The following MICAL2 variants were observed in gnomAD, a reference collection of about 807,000 sequenced individuals.
The protein encoded by MICAL2 is microtubule associated monooxygenase, calponin and LIM domain containing 2.
Under a neutral mutation model 127.3 loss-of-function variants are expected in MICAL2, and 77 were observed. That is an observed-to-expected ratio of 0.60 (90% confidence interval 0.50 to 0.73). The LOEUF is 0.73. Ranked by LOEUF, MICAL2 falls within the 30% of genes least tolerant of loss-of-function variation. The probability of loss-of-function intolerance (pLI) is 0.00; values close to 1 mark genes in which losing one functional copy is unlikely to be tolerated. For synonymous variants in MICAL2, 570 were observed against 551.1 expected (o/e 1.03, Z -0.48); for missense variants, 1,351 against 1,434.4 (o/e 0.94, Z 0.94).
chr11:12,302,769 C>A (rs1488689009), intron 29 of MICAL2, among the ~76,000 whole-genome samples: 1 of 152,080 alleles, frequency 6.6e-6, no homozygotes, highest in Non-Finnish European at 1.5e-5. Flanking sequence ...TTCAAGCGAT[C>A]TTCCCACTTC....
chr11:12,260,143 C>G, intron 26 of MICAL2: 1 of 1,529,540 alleles, frequency 6.5e-7, no homozygotes, highest in South Asian at 1.2e-5. Flanking sequence ...CAACTGGGTG[C>G]TCAGGTGCTT....
intron 2 of MICAL2, among the ~76,000 whole-genome samples, chr11:12,147,888 C>G (rs565861018): frequency 6.6e-6 from 1 of 152,324 alleles, no homozygotes; most frequent in South Asian, 2.1e-4. Context: ...TATTCGGGAA[C>G]AGGCCCAGGA....
rs186044206 is a variant in MICAL2 at position 12,316,048 on chromosome 11, T to C, written c.5213-3648T>C. On this transcript the variant is annotated intron_variant, in intron 29 of 34. Transcript: ENST00000646065. Reference sequence around the variant, plus strand: ...TATGGAATGTCCCTCTTTATCTTTGTTAATATTCCTGGTCCACAAATTACT... The same window carrying C: ...TATGGAATGTCCCTCTTTATCTTTGCTAATATTCCTGGTCCACAAATTACT... 3.6e-3 allele frequency among the ~76,000 whole-genome samples: 554 copies of C among 152,266 alleles called. 4 individuals carry two copies. The highest frequency in any genetic ancestry group is 0.013 in the African/African-American group (534 of 41,584).
At chr11:12,285,093 G>T (rs551097797) in intron 2 of MICAL2, among the ~76,000 whole-genome samples, 1 of 152,218 alleles carries the variant, frequency 6.6e-6, no homozygotes, top group East Asian at 1.9e-4. Flanking sequence ...GTTGAGAAGG[G>T]GTTCGGAAAA....
At chr11:12,243,947 C>T (rs369018906) in intron 20 of MICAL2, 40 bp from the exon 21 acceptor site, 1 of 1,610,810 alleles carries the variant, frequency 6.2e-7, no homozygotes, top group Non-Finnish European at 8.5e-7. Flanking sequence ...TGTGTGACTC[C>T]TGGGATAATC....
downstream of MICAL2, chr11:12,293,718 T>C (rs745701939): frequency 3.3e-5 from 53 of 1,613,834 alleles, no homozygotes; most frequent in Non-Finnish European, 4.4e-5. Context: ...TACTGCCTGG[T>C]GAGCCCTGGT....
chr11:12,168,145 T>TACACACACACACACACACAC (rs3044619), intron 3 of MICAL2, among the ~76,000 whole-genome samples: 76 of 146,270 alleles, frequency 5.2e-4, no homozygotes, highest in African/African-American at 1.6e-3. Context: ...CTACAGCAAA[T>TACACACACACACACACACAC]ACACACACAC....
intron 3 of MICAL2, among the ~76,000 whole-genome samples, chr11:12,183,326 G>A (rs1056362357): frequency 1.3e-5 from 2 of 152,150 alleles, no homozygotes; most frequent in Non-Finnish European, 2.9e-5. Context: ...GGGTGAACAC[G>A]TTTGGCGTGC....
chr11:12,263,197 T>C (rs1026034676), intron 27 of MICAL2: 5 of 152,256 alleles, frequency 3.3e-5, no homozygotes, highest in African/African-American at 1.2e-4. Context: ...AAGCCCCAGA[T>C]GATGCCAGAG....
chr11:12,194,765 G>A (rs1859669242), intron 3 of MICAL2, among the ~76,000 whole-genome samples: 2 of 152,032 alleles, frequency 1.3e-5, no homozygotes, highest in Non-Finnish European at 2.9e-5. Context: ...AAACACCAGG[G>A]TACCAGCACC....
intron 2 of MICAL2, among the ~76,000 whole-genome samples, chr11:12,284,587 TAAG>T (rs1294770359): frequency 1.3e-5 from 2 of 152,192 alleles, no homozygotes; most frequent in Non-Finnish European, 2.9e-5. Flanking sequence ...AGTTACAAGC[TAAG>T]AAGAAGCAAT....
chr11:12,225,771 C>T (rs2134321446), intron 13 of MICAL2: 1 of 216,096 alleles, frequency 4.6e-6, no homozygotes, highest in Non-Finnish European at 9.5e-6. Context: ...AGGTATGAGC[C>T]ACTGCGCCTG....
intron 3 of MICAL2, among the ~76,000 whole-genome samples, chr11:12,179,379 CCTT>C (rs1171023374): frequency 6.6e-6 from 1 of 152,152 alleles, no homozygotes; most frequent in Non-Finnish European, 1.5e-5. Context: ...GTACCTCTCA[CCTT>C]CTCCCCAGCA....
chr11:12,255,349 C>T (rs1331315215), intron 22 of MICAL2: 1 of 392,414 alleles, frequency 2.5e-6, no homozygotes, highest in Non-Finnish European at 4.8e-6. Flanking sequence ...TAAACAACAG[C>T]AACCACTGTT....
downstream of MICAL2, among the ~76,000 whole-genome samples, chr11:12,268,072 CCCTCTGGCCTGGA>C (rs1863629348): frequency 6.6e-6 from 1 of 152,210 alleles, no homozygotes; most frequent in African/African-American, 2.4e-5. Flanking sequence ...AGGATATATG[CCCTCTGGCCTGGA>C]CCTCAGACTG....
intron 32 of MICAL2, among the ~76,000 whole-genome samples, chr11:12,343,418 A>AAAAAAAC (rs1938901895): frequency 6.6e-6 from 1 of 151,400 alleles, no homozygotes; most frequent in Non-Finnish European, 1.5e-5. Flanking sequence ...AAAAAAAAAA[A>AAAAAAAC]AAAAAACTGT....
chr11:12,292,418 C>A, downstream of MICAL2: 7 of 1,071,690 alleles, frequency 6.5e-6, no homozygotes, highest in East Asian at 2.4e-5. Flanking sequence ...GCAAAGCCAG[C>A]GCCAGAAGAT....
Position 12,162,477 on chromosome 11 carries a change from G to A in MICAL2, c.264+58G>A, listed in dbSNP as rs955337996. On this transcript the variant is annotated intron_variant, in intron 3 of 27. Coordinates refer to ENST00000683283, the MANE Select transcript of MICAL2 (RefSeq NM_001282663.2). ...AGGGCGTGTGGGTTGACATTTGGGA[G>A]GTTAGGAAGCTGTTGCCATTTTGGC... The A allele has an allele frequency of 5.7e-6, 9 of 1,591,578 alleles. No homozygotes were observed. In the African/African-American group the frequency reaches 6.7e-5, roughly 12 times the overall value.
intron 16 of MICAL2, among the ~76,000 whole-genome samples, chr11:12,238,287 G>C (rs1246674783): frequency 6.6e-6 from 1 of 152,174 alleles, no homozygotes; most frequent in Non-Finnish European, 1.5e-5. Flanking sequence ...CGTAGTAAGG[G>C]GGAACAGACG....
Sources: allele counts gnomAD v4.1 joint callset (sites outside exome capture counted in the v4.1 genomes callset), GRCh38; gene constraint gnomAD v4.1.1; transcripts MANE v1.5; gene names NCBI Gene and HGNC (gene_info 2026-07-23, HGNC 2026-07-21).